SNTG1: variants seen among roughly 807,000 people sequenced by gnomAD.
The protein encoded by SNTG1 is syntrophin gamma 1.
A neutral mutation model predicts 74.7 loss-of-function variants in SNTG1; 39 were observed. The observed-to-expected ratio is 0.52, with a 90% confidence interval of 0.40 to 0.68. The LOEUF is 0.68. Ranked by LOEUF, SNTG1 falls within the 30% of genes least tolerant of loss-of-function variation. The pLI is 0.00. For missense variants in SNTG1, 685 were observed against 609.5 expected (o/e 1.12, Z -1.30); for synonymous variants, 254 against 217.1 (o/e 1.17, Z -1.49).
At chr8:50,135,231 T>A (rs1194011873) in intron 1 of SNTG1, among the ~76,000 whole-genome samples, 1 of 152,236 alleles carries the variant, frequency 6.6e-6, no homozygotes, top group Non-Finnish European at 1.5e-5. Context: ...GCTTTCTGAA[T>A]GAAGTTCGGC....
chr8:50,581,969 A>G (rs527513398), intron 12 of SNTG1, among the ~76,000 whole-genome samples: 1 of 152,292 alleles, frequency 6.6e-6, no homozygotes, highest in South Asian at 2.1e-4. Flanking sequence ...TTTCTTGTGG[A>G]GTTTTAGAGA....
chr8:50,606,654 T>C (rs2094815002), intron 13 of SNTG1, among the ~76,000 whole-genome samples: 1 of 151,970 alleles, frequency 6.6e-6, no homozygotes, highest in Non-Finnish European at 1.5e-5. Flanking sequence ...TATCTGATCA[T>C]AGGGGAAATC....
chr8:50,581,362 A>G (rs561457489), intron 12 of SNTG1, among the ~76,000 whole-genome samples: 1 of 152,322 alleles, frequency 6.6e-6, no homozygotes, highest in Admixed American at 6.5e-5. Flanking sequence ...GTCATGTTTC[A>G]TAAGACTACA....
At chr8:50,525,229 C>T (rs1479516736) in intron 9 of SNTG1, among the ~76,000 whole-genome samples, 1 of 152,096 alleles carries the variant, frequency 6.6e-6, no homozygotes, top group African/African-American at 2.4e-5. Context: ...AATGTTTCTG[C>T]TGAGAAATGT....
chr8:49,982,371 T>C (rs1318791412), intron 1 of SNTG1, among the ~76,000 whole-genome samples: 7 of 152,172 alleles, frequency 4.6e-5, no homozygotes, highest in Admixed American at 1.3e-4. Context: ...TGGGCCCATC[T>C]GCTCCTTGGT....
chr8:50,649,391 C>T (rs569941910), intron 13 of SNTG1, among the ~76,000 whole-genome samples: 5 of 152,102 alleles, frequency 3.3e-5, no homozygotes, highest in East Asian at 3.9e-4. Context: ...CCCAGCTACT[C>T]GGGAGGCTGA....
intron 3 of SNTG1, among the ~76,000 whole-genome samples, chr8:50,398,467 A>G (rs980604552): frequency 6.6e-6 from 1 of 152,184 alleles, no homozygotes; most frequent in Non-Finnish European, 1.5e-5. Context: ...GATTAAAATG[A>G]CATTTGTTCC....
At position 50,773,703 on chromosome 8, in the gene SNTG1, G is replaced by A. The variant is rs796310934; in HGVS notation, c.1396-18968G>A. 9.2e-5 allele frequency among the ~76,000 whole-genome samples: 14 copies of A among 152,032 alleles called. 1 individual carries two copies. The highest frequency in any genetic ancestry group is 3.4e-4 in the African/African-American group (14 of 41,492). ...ATGCCAGTTTTAAACAAAAATTATG[G>A]GACATTGAAAACATTCTCAAAATTG... On this transcript the variant is annotated intron_variant, in intron 18 of 18. Coordinates refer to ENST00000642720, the MANE Select transcript of SNTG1 (RefSeq NM_018967.5).
Position 50,533,527 on chromosome 8 carries a change from A to G in SNTG1, c.550-3151A>G, listed in dbSNP as rs561028565. ...CATGGTTCTCAAAAGCACAAAAGTG[A>G]TTGTGTTTTTAGACTATCTTTTATG... On this transcript the variant is annotated intron_variant, in intron 10 of 18. Transcript: ENST00000642720. Among the ~76,000 whole-genome samples, 10 of 152,320 alleles carry G rather than the reference A, an allele frequency of 6.6e-5. No individual in the cohort carries two copies. In the East Asian group the frequency reaches 1.2e-3, roughly 18 times the overall value.
At chr8:50,339,369 A>G (rs2130926151) in intron 2 of SNTG1, among the ~76,000 whole-genome samples, 1 of 152,144 alleles carries the variant, frequency 6.6e-6, no homozygotes, top group South Asian at 2.1e-4. Context: ...GAGAATTAAA[A>G]AATAAATAAA....
chr8:50,740,130 A>G (rs1307365442), intron 17 of SNTG1, among the ~76,000 whole-genome samples: 1 of 152,152 alleles, frequency 6.6e-6, no homozygotes, highest in Non-Finnish European at 1.5e-5. Context: ...ATGGGATCTA[A>G]TTAAACTAAA....
At chr8:50,211,601 A>G (rs1309443232) in intron 2 of SNTG1, among the ~76,000 whole-genome samples, 2 of 152,280 alleles carry the variant, frequency 1.3e-5, no homozygotes, top group South Asian at 4.1e-4. Flanking sequence ...CAGAACTGCT[A>G]TGTATTGCTA....
intron 17 of SNTG1, among the ~76,000 whole-genome samples, chr8:50,746,863 A>C (rs149686580): frequency 4.9e-4 from 73 of 147,702 alleles, no homozygotes; most frequent in African/African-American, 1.8e-3. Context: ...TATTGTAAAT[A>C]TATATAATAT....
At chr8:50,734,619 C>A (rs2095521090) in intron 17 of SNTG1, among the ~76,000 whole-genome samples, 1 of 149,322 alleles carries the variant, frequency 6.7e-6, no homozygotes, top group Non-Finnish European at 1.5e-5. Flanking sequence ...GGCACTTTCT[C>A]TCTCTCTTTC....
chr8:50,606,520 C>A (rs940916646), intron 13 of SNTG1, among the ~76,000 whole-genome samples: 1 of 151,960 alleles, frequency 6.6e-6, no homozygotes, highest in African/African-American at 2.4e-5. Context: ...ATGTTATCTA[C>A]ATAAATATAA....
intron 9 of SNTG1, among the ~76,000 whole-genome samples, chr8:50,511,730 A>G (rs1279073244): frequency 6.6e-6 from 1 of 152,082 alleles, no homozygotes; most frequent in African/African-American, 2.4e-5. Flanking sequence ...AGAGACTAGG[A>G]TTGCAACCTC....
chr8:49,968,008 T>C (rs1415067703), intron 1 of SNTG1, among the ~76,000 whole-genome samples: 1 of 152,188 alleles, frequency 6.6e-6, no homozygotes, highest in Non-Finnish European at 1.5e-5. Flanking sequence ...CTTGCAGTAC[T>C]TCAGAGAATC....
intron 2 of SNTG1, among the ~76,000 whole-genome samples, chr8:50,215,949 G>A (rs13340639): frequency 0.43 from 65,528 of 152,062 alleles, 17,874 homozygotes; most frequent in African/African-American, 0.78. Flanking sequence ...ATGGTAAAAT[G>A]TATTAACAAA....
At chr8:50,362,340 G>A (rs564902868) in intron 2 of SNTG1, among the ~76,000 whole-genome samples, 3 of 152,238 alleles carry the variant, frequency 2.0e-5, no homozygotes, top group South Asian at 4.1e-4. Context: ...ACAAAACAGT[G>A]AAATTATGTT....
Sources: allele counts gnomAD v4.1 joint callset (sites outside exome capture counted in the v4.1 genomes callset), GRCh38; gene constraint gnomAD v4.1.1; transcripts MANE v1.5; gene names NCBI Gene and HGNC (gene_info 2026-07-23, HGNC 2026-07-21).